HCK: variants seen among roughly 807,000 people sequenced by gnomAD.
HCK encodes HCK proto-oncogene, Src family tyrosine kinase, also known as tyrosine-protein kinase HCK.
In HCK, 40 loss-of-function variants were observed where a neutral mutation model predicts 70.4. The ratio of observed to expected loss-of-function variants is 0.57; its 90% confidence interval spans 0.44 to 0.74. The LOEUF (loss-of-function observed/expected upper bound fraction) is 0.74. HCK is among the 30% of genes least tolerant of loss of function. HCK has a pLI of 0.00. For synonymous variants in HCK, 245 were observed against 263.2 expected (o/e 0.93, Z 0.67); for missense variants, 568 against 697.2 (o/e 0.81, Z 2.09).
At chr20:32,094,057 A>G in intron 11 of HCK, 41 bp downstream of exon 11, 1 of 1,590,760 alleles carries the variant, frequency 6.3e-7, no homozygotes, top group Non-Finnish European at 8.6e-7. Flanking sequence ...GCCCATTTGG[A>G]TGCTTGTGAG....
At chr20:32,086,912 T>C (rs1036251881) in intron 9 of HCK, 105 bp downstream of exon 9, 47 of 1,019,202 alleles carry the variant, frequency 4.6e-5, no homozygotes, top group Non-Finnish European at 6.6e-5. Context: ...GGCCCCAATC[T>C]GGCCAGGAGC....
At chr20:32,060,404 T>A (rs1181402713) in intron 1 of HCK, among the ~76,000 whole-genome samples, 3 of 151,916 alleles carry the variant, frequency 2.0e-5, no homozygotes, top group Non-Finnish European at 1.5e-5. Context: ...TATTTTTGGT[T>A]GAGACAGGGT....
intron 1 of HCK, among the ~76,000 whole-genome samples, chr20:32,056,121 T>C (rs1288879508): frequency 6.6e-6 from 1 of 152,268 alleles, no homozygotes; most frequent in African/African-American, 2.4e-5. Flanking sequence ...AAAATAATAC[T>C]GCTATGAGCA....
At chr20:32,058,704 G>A (rs1029440447) in intron 1 of HCK, among the ~76,000 whole-genome samples, 22 of 151,606 alleles carry the variant, frequency 1.5e-4, no homozygotes, top group African/African-American at 5.3e-4. Context: ...GCAGACCCTA[G>A]GCAAGGTTTC....
Position 32,083,790 on chromosome 20 carries a change from G to A in HCK, c.533-104G>A, listed in dbSNP as rs1051303405. 43 of 1,383,038 alleles carry A rather than the reference G, an allele frequency of 3.1e-5. No homozygotes were observed. In the African/African-American group the frequency reaches 5.8e-4, roughly 19 times the overall value. The allele number at this position is 1,383,038 out of a possible 1,614,324, so 85.7% of individuals were successfully genotyped here. ...GACCCTCGGGCACTTCTGCCCAGGT[G>A]TCAGGACGGTGCCAGCGGTAGCCTT... On this transcript the variant is annotated intron_variant, in intron 6 of 12. Transcript: ENST00000375852.
chr20:32,072,333 C>A (rs76011311), intron 2 of HCK: 5,593 of 153,162 alleles, frequency 0.037, 286 homozygotes, highest in African/African-American at 0.12. Context: ...TGTTGTAAGC[C>A]TTTACGGTTA....
At chr20:32,062,783 T>C (rs542601193) in intron 1 of HCK, among the ~76,000 whole-genome samples, 37 of 152,236 alleles carry the variant, frequency 2.4e-4, no homozygotes, top group Non-Finnish European at 3.1e-4. Context: ...ATAAAGACAG[T>C]TCATTCAGAA....
At chr20:32,082,524 C>T (rs191927102) in intron 6 of HCK, among the ~76,000 whole-genome samples, 1 of 152,046 alleles carries the variant, frequency 6.6e-6, no homozygotes, top group East Asian at 1.9e-4. Flanking sequence ...CGTCTGTAAT[C>T]CCAGCTACTC....
chr20:32,093,159 G>C (rs1441231930), intron 10 of HCK, among the ~76,000 whole-genome samples: 2 of 152,140 alleles, frequency 1.3e-5, no homozygotes, highest in Non-Finnish European at 2.9e-5. Flanking sequence ...TGGCCAGGCT[G>C]GTCTCGAACT....
intron 1 of HCK, among the ~76,000 whole-genome samples, chr20:32,059,289 T>TTCCTTCCTTCCTTCCC (rs2045326345): frequency 1.3e-5 from 2 of 149,650 alleles, no homozygotes; most frequent in Non-Finnish European, 1.5e-5. Flanking sequence ...TCTTCCTTCC[T>TTCCTTCCTTCCTTCCC]TCCTTCCCTC....
intron 12 of HCK, among the ~76,000 whole-genome samples, chr20:32,101,010 C>T (rs866065481): frequency 6.6e-6 from 1 of 152,194 alleles, no homozygotes; most frequent in South Asian, 2.1e-4. Flanking sequence ...ATAAGTATCT[C>T]ACAGTGTTCA....
At position 32,101,407 on chromosome 20, in the gene HCK, T is replaced by C. The variant is rs771236044; in HGVS notation, c.1469T>C (p.Met490Thr). 6.2e-7 allele frequency: 1 copy of C among 1,614,172 alleles called. No individual in the cohort carries two copies. Among genetic ancestry groups the C allele is most frequent in the Non-Finnish European group, 8.5e-7 (1 of 1,180,018 alleles). Residue 490 changes from methionine (M) to threonine (T), a missense_variant, in exon 13 of 13, where the codon ATG becomes ACG. By Grantham distance (81) the Met-to-Thr change is moderately conservative (BLOSUM62 -1). Transcript: ENST00000375852. ...TGCCCAGAGGAGCTCTACAACATCA[T>C]GATGCGCTGCTGGAAAAACCGTCCG...
At chr20:32,085,532 A>G (rs543384083) in intron 8 of HCK, among the ~76,000 whole-genome samples, 1 of 152,168 alleles carries the variant, frequency 6.6e-6, no homozygotes, top group Non-Finnish European at 1.5e-5. Flanking sequence ...TAATAAAATT[A>G]AAAAGAATTT....
chr20:32,098,029 T>C (rs2045980413), intron 11 of HCK, among the ~76,000 whole-genome samples: 1 of 135,620 alleles, frequency 7.4e-6, no homozygotes. Context: ...TTTTCTATTT[T>C]TTTATATTTT....
chr20:32,098,174 C>G (rs1209068057), intron 11 of HCK, among the ~76,000 whole-genome samples: 1 of 151,948 alleles, frequency 6.6e-6, no homozygotes, highest in South Asian at 2.1e-4. Flanking sequence ...CAGCCTGTAG[C>G]TGGAACTACA....
intron 1 of HCK, among the ~76,000 whole-genome samples, chr20:32,053,301 G>C (rs1025717751): frequency 6.6e-6 from 1 of 152,024 alleles, no homozygotes; most frequent in Non-Finnish European, 1.5e-5. Context: ...AGGATGGGGA[G>C]AGTAATAGTA....
chr20:32,088,665 CG>C (rs1446489141), intron 10 of HCK, 21 bp downstream of exon 10: 8 of 1,597,866 alleles, frequency 5.0e-6, no homozygotes, highest in Non-Finnish European at 6.8e-6. Context: ...AACGAGGAAA[CG>C]GGGAAGGGAA....
chr20:32,055,988 G>T (rs1480949596), intron 1 of HCK, among the ~76,000 whole-genome samples: 1 of 152,158 alleles, frequency 6.6e-6, no homozygotes, highest in Admixed American at 6.5e-5. Flanking sequence ...CCACATGGTG[G>T]CAACTATTAG....
chr20:32,066,090 C>T (rs539582841), intron 1 of HCK, among the ~76,000 whole-genome samples: 51 of 152,026 alleles, frequency 3.4e-4, no homozygotes, highest in Non-Finnish European at 6.6e-4. Context: ...TAAACTCACT[C>T]AAACCACTTT....
Sources: gnomAD v4.1 joint callset for allele counts (sites outside exome capture counted in the v4.1 genomes callset) on GRCh38, gnomAD v4.1.1 for gene constraint, MANE v1.5 for transcripts, NCBI Gene and HGNC (gene_info 2026-07-23, HGNC 2026-07-21) for gene names.